Variants in MRPL35 observed in about 807,000 individuals in gnomAD.
The protein encoded by MRPL35 is mitochondrial ribosomal protein L35.
MRPL35 carries 18 observed loss-of-function variants against 21.6 expected under a neutral mutation model. The ratio of observed to expected loss-of-function variants is 0.83; its 90% CI spans 0.58 to 1.24. The LOEUF is 1.24. MRPL35 is among the 50% of genes most tolerant of loss of function. The probability of loss-of-function intolerance (pLI) is 0.00; values close to 1 mark genes in which losing one functional copy is unlikely to be tolerated. For synonymous variants in MRPL35, 87 were observed against 86.9 expected (o/e 1.00, Z -0.01); for missense variants, 223 against 223.2 (o/e 1.00, Z 0.01).
intron 3 of MRPL35, among the ~76,000 whole-genome samples, chr2:86,209,746 T>C (rs1437691387): frequency 2.0e-5 from 3 of 152,206 alleles, no homozygotes; most frequent in Non-Finnish European, 4.4e-5. Flanking sequence ...TAAATATTAA[T>C]GTTGTTACCT....
intron 1 of MRPL35, among the ~76,000 whole-genome samples, chr2:86,201,681 T>C (rs1573969083): frequency 6.6e-6 from 1 of 152,248 alleles, no homozygotes; most frequent in South Asian, 2.1e-4. Flanking sequence ...TTATAGCCTT[T>C]TTAACAATTT....
At chr2:86,207,929 T>G (rs1277791634) in intron 3 of MRPL35, among the ~76,000 whole-genome samples, 1 of 152,204 alleles carries the variant, frequency 6.6e-6, no homozygotes, top group African/African-American at 2.4e-5. Flanking sequence ...GAAAGCAGCT[T>G]AAGACCAGTT....
chr2:86,210,333 T>G, intron 3 of MRPL35, 147 bp from the exon 4 acceptor site: 29 of 127,466 alleles, frequency 2.3e-4, no homozygotes, highest in East Asian at 1.9e-3. Context: ...CCCCCGGCCA[T>G]TGAGAATCAC....
rs1386877819 is a variant in MRPL35, at chr2:86,212,949, A to T, written c.*2281A>T. 1.4e-6 allele frequency: 1 copy of T among 699,794 alleles called. No homozygotes were observed. The highest frequency in any genetic ancestry group is 1.9e-5 in the African/African-American group (1 of 51,532). 43.3% of individuals were successfully genotyped at this position (699,794 alleles called of 1,614,324 possible). A position where few individuals can be genotyped will look rare whatever the true frequency, so the allele number is the denominator to read the frequency against. ...ACCTACTATGTCCCAGCATATCTAC[A>T]AAACTGGGTACATACATACTGTCTA... On this transcript the variant is annotated 3_prime_UTR_variant, in exon 4 of 4. Coordinates refer to ENST00000337109, the MANE Select transcript of MRPL35 (RefSeq NM_016622.4).
rs1673947061 is a variant in MRPL35 at position 86,213,248 on chromosome 2, T to C, written c.*2580T>C. 5 of 1,037,652 alleles carry C rather than the reference T, an allele frequency of 4.8e-6. No individual in the cohort carries two copies. Among genetic ancestry groups the C allele is most frequent in the Non-Finnish European group, 5.8e-6 (5 of 864,570 alleles). 64.3% of individuals were successfully genotyped at this position (1,037,652 alleles called of 1,614,324 possible). A position where few individuals can be genotyped will look rare whatever the true frequency, so the allele number is the denominator to read the frequency against. On this transcript the variant is annotated 3_prime_UTR_variant, in exon 4 of 4. Transcript: ENST00000337109. ...TCATAACACTGTACCAATTCAGCTTTTAAATTTTATTACTTTGCTTTCCTG... is the reference window on the plus strand; with the variant it reads ...TCATAACACTGTACCAATTCAGCTTCTAAATTTTATTACTTTGCTTTCCTG...
chr2:86,199,561 A>G (rs1309634800), intron 1 of MRPL35, 28 bp downstream of exon 1: 3 of 1,613,872 alleles, frequency 1.9e-6, no homozygotes, highest in Non-Finnish European at 1.7e-6. Context: ...TACTCCATGC[A>G]TGCCTTCACA....
At chr2:86,200,638 A>C (rs1673666499) in intron 1 of MRPL35, among the ~76,000 whole-genome samples, 1 of 151,460 alleles carries the variant, frequency 6.6e-6, no homozygotes, top group Non-Finnish European at 1.5e-5. Context: ...AGATTCATTC[A>C]TTCATTTTGC....
At chr2:86,208,352 G>A (rs1673842832) in intron 3 of MRPL35, among the ~76,000 whole-genome samples, 1 of 151,758 alleles carries the variant, frequency 6.6e-6, no homozygotes, top group African/African-American at 2.4e-5. Context: ...TATCGCCCAG[G>A]CTAGAGTGCA....
Position 86,210,713 on chromosome 2 carries a change from G to A in MRPL35, c.*45G>A, listed in dbSNP as rs917369781. The A allele has an allele frequency of 6.4e-7, 1 of 1,559,788 alleles. No individual in the cohort carries two copies. The highest frequency in any genetic ancestry group is 2.3e-5 in the East Asian group (1 of 44,370). On this transcript the variant is annotated 3_prime_UTR_variant, in exon 4 of 4. Transcript: ENST00000337109. ...TCTCAGTTATTGGATATGTATCTTT[G>A]TGTACATATCTTTGCAAAAATGGAT...
Position 86,212,491 on chromosome 2 carries a change from T to G in MRPL35, c.*1823T>G. On this transcript the variant is annotated 3_prime_UTR_variant, in exon 4 of 4. Coordinates refer to ENST00000337109, the MANE Select transcript of MRPL35 (RefSeq NM_016622.4). Reference sequence around the variant, plus strand: ...CACCTGCCTGGCTCCTGCTCTCTGATGTACCTCTGGGTAGTGAGATGGAAA... The same window carrying G: ...CACCTGCCTGGCTCCTGCTCTCTGAGGTACCTCTGGGTAGTGAGATGGAAA... 1.9e-6 allele frequency: 3 copies of G among 1,612,946 alleles called. No individual in the cohort carries two copies. The highest frequency in any genetic ancestry group is 8.5e-7 in the Non-Finnish European group (1 of 1,179,526).
chr2:86,202,988 G>A lies in MRPL35; in HGVS notation c.44-3118G>A, dbSNP rs192635137. ...GGGGTGAGCTACCACACCTGGCCCT[G>A]TTATCACTGATGGCCACATATTAAT... On this transcript the variant is annotated intron_variant, in intron 1 of 3. Coordinates refer to ENST00000337109, the MANE Select transcript of MRPL35 (RefSeq NM_016622.4). Among the ~76,000 whole-genome samples the A allele has an allele frequency of 4.7e-3, 709 of 151,588 alleles. 3 individuals are homozygous for A. Among genetic ancestry groups the A allele is most frequent in the Non-Finnish European group, 8.0e-3 (543 of 67,878 alleles).
Position 86,206,195 on chromosome 2 carries a change from C to T in MRPL35, c.133C>T (p.Arg45Cys), listed in dbSNP as rs778165948. 9 of 1,613,536 alleles carry T rather than the reference C, an allele frequency of 5.6e-6. No individual in the cohort carries two copies. Among genetic ancestry groups the T allele is most frequent in the South Asian group, 4.4e-5 (4 of 91,068 alleles). ...ASLISALSTG[R>C]FSHIQTPVVS... ...TCTTATTTCTGCATTGTCCACTGGA[C>T]GTTTTAGTCATATTCAGACACCAGT... Residue 45 changes from arginine (R) to cysteine (C), a missense_variant, in exon 2 of 4, where the codon CGT becomes TGT. By Grantham distance (180) the Arg-to-Cys change is radical (BLOSUM62 -3). Transcript: ENST00000337109.
At chr2:86,210,121 A>C (rs1673872559) in intron 3 of MRPL35, among the ~76,000 whole-genome samples, 1 of 152,186 alleles carries the variant, frequency 6.6e-6, no homozygotes, top group South Asian at 2.1e-4. Flanking sequence ...GTTGTTAAAG[A>C]TTGCTGAAGA....
rs763965952 is a variant in MRPL35, at chr2:86,206,060, G to T, written c.44-46G>T. 7 of 1,439,360 alleles carry T rather than the reference G, an allele frequency of 4.9e-6. No individual in the cohort carries two copies. In the South Asian group the frequency reaches 8.9e-5, roughly 18 times the overall value. The allele number at this position is 1,439,360 out of a possible 1,614,324, so 89.2% of individuals were successfully genotyped here. A position where few individuals can be genotyped will look rare whatever the true frequency, so the allele number is the denominator to read the frequency against. On this transcript the variant is annotated intron_variant, in intron 1 of 3. Transcript: ENST00000337109. ...TACATCTCTTAATTTTTAATATCTG[G>T]ATGCATATTTTGGAGTATTAAATAT...
Position 86,212,421 on chromosome 2 carries a change from C to A in MRPL35, c.*1753C>A. Reference sequence around the variant, plus strand: ...GATGGATTTTCATTTCTTCGCACTTCTGAGACGGCAAAGCCAACCACTTAG... The same window carrying A: ...GATGGATTTTCATTTCTTCGCACTTATGAGACGGCAAAGCCAACCACTTAG... On this transcript the variant is annotated 3_prime_UTR_variant, in exon 4 of 4. Transcript: ENST00000337109. 5.6e-6 allele frequency: 9 copies of A among 1,613,958 alleles called. No individual in the cohort carries two copies. The highest frequency in any genetic ancestry group is 7.6e-6 in the Non-Finnish European group (9 of 1,179,926).
At chr2:86,209,831 A>G (rs1416145346) in intron 3 of MRPL35, among the ~76,000 whole-genome samples, 1 of 152,204 alleles carries the variant, frequency 6.6e-6, no homozygotes, top group Non-Finnish European at 1.5e-5. Flanking sequence ...CAAGATGGTG[A>G]GACCTTATCT....
intron 2 of MRPL35, among the ~76,000 whole-genome samples, chr2:86,206,510 TAG>T (rs1173244071): frequency 2.0e-5 from 3 of 152,182 alleles, no homozygotes; most frequent in African/African-American, 7.2e-5. Flanking sequence ...GCCTGGCTGG[TAG>T]AGTCTATTTC....
At chr2:86,209,608 T>TA (rs1467400801) in intron 3 of MRPL35, among the ~76,000 whole-genome samples, 1 of 152,220 alleles carries the variant, frequency 6.6e-6, no homozygotes, top group Non-Finnish European at 1.5e-5. Flanking sequence ...ATAATAGTCT[T>TA]ACCATATTCA....
intron 1 of MRPL35, among the ~76,000 whole-genome samples, chr2:86,200,749 G>A (rs887910371): frequency 6.6e-6 from 1 of 151,944 alleles, no homozygotes; most frequent in Non-Finnish European, 1.5e-5. Flanking sequence ...CACGATCTGG[G>A]CTCACTGCAA....
Sources: allele counts gnomAD v4.1 joint callset (sites outside exome capture counted in the v4.1 genomes callset), GRCh38; gene constraint gnomAD v4.1.1; transcripts MANE v1.5; gene names NCBI Gene and HGNC (gene_info 2026-07-23, HGNC 2026-07-21).